ACAN: variants seen among roughly 807,000 people sequenced by gnomAD.
ACAN encodes aggrecan, also known as aggrecan core protein.
A neutral mutation model predicts 169.1 loss-of-function variants in ACAN; 47 were observed. The ratio of observed to expected loss-of-function variants is 0.28; its 90% confidence interval spans 0.22 to 0.35. The LOEUF (loss-of-function observed/expected upper bound fraction) is 0.35, where lower values mean the gene tolerates loss of function less well. Among genes scored for constraint, ACAN ranks in the 10% least tolerant of loss-of-function variants. The pLI is 1.00. For missense variants in ACAN, 2,716 were observed against 2,759.9 expected (o/e 0.98, Z 0.36); for synonymous variants, 1,115 against 1,112.2 (o/e 1.00, Z -0.05).
chr15:88,805,911 C>G (rs1255772992), intron 1 of ACAN, among the ~76,000 whole-genome samples: 1 of 152,208 alleles, frequency 6.6e-6, no homozygotes, highest in Non-Finnish European at 1.5e-5. Context: ...CCACTCACCC[C>G]TGCATGCCAA....
At position 88,858,653 on chromosome 15, in the gene ACAN, GCA is replaced by G; in HGVS notation, c.6070_6071del (p.Thr2024GlnfsTer16). On this transcript the variant is annotated frameshift_variant, in exon 12 of 19. Transcript: ENST00000560601. LOFTEE classifies it high-confidence loss of function. This position sits in a 1 kb window ranked among gnomAD's most constrained non-coding sequence, Gnocchi z 4.0. ...AGTGGAGAATCCTCTGTAGCCATGG[GCA>G]CCAGTGGAGAGGCCTCAGGACTTCC... The G allele has an allele frequency of 6.2e-7, 1 of 1,613,968 alleles. No individual in the cohort carries two copies. The highest frequency in any genetic ancestry group is 8.5e-7 in the Non-Finnish European group (1 of 1,179,898).
intron 1 of ACAN, among the ~76,000 whole-genome samples, chr15:88,830,187 G>T (rs1162017394): frequency 2.0e-5 from 3 of 152,162 alleles, no homozygotes; most frequent in Admixed American, 6.5e-5. Flanking sequence ...AACTGGCCTT[G>T]GTTTTAGGGC....
chr15:88,874,666 C>T lies in ACAN; in HGVS notation c.*185C>T. ...TCACCCCTCCAAATCAGCAAAACCGCATCTAATTTGTCCGCCGAATGCCAA... is the reference window on the plus strand; with the variant it reads ...TCACCCCTCCAAATCAGCAAAACCGTATCTAATTTGTCCGCCGAATGCCAA... On this transcript the variant is annotated 3_prime_UTR_variant, in exon 19 of 19. Coordinates refer to ENST00000560601, the MANE Select transcript of ACAN (RefSeq NM_001369268.1). This position sits in a 1 kb window ranked among gnomAD's most constrained non-coding sequence, Gnocchi z 7.3. 1.4e-6 allele frequency: 1 copy of T among 694,008 alleles called. No homozygotes were observed. The highest frequency in any genetic ancestry group is 1.5e-5 in the South Asian group (1 of 66,676). 43.0% of individuals were successfully genotyped at this position (694,008 alleles called of 1,614,324 possible). A position where few individuals can be genotyped will look rare whatever the true frequency, so the allele number is the denominator to read the frequency against.
intron 10 of ACAN, chr15:88,850,120 C>T (rs573994772): frequency 6.7e-5 from 35 of 521,396 alleles, no homozygotes; most frequent in Non-Finnish European, 1.1e-4. Context: ...GCCTGGGACA[C>T]AGTAAATGCT....
chr15:88,839,886 C>A lies in ACAN; in HGVS notation c.455-126C>A. ...GTGCAAAGGTGTACAGGGAGTCATG[C>A]ATCAGCCCAGACCAGCCAGTTCCCT... On this transcript the variant is annotated intron_variant, in intron 3 of 18. Coordinates refer to ENST00000560601, the MANE Select transcript of ACAN (RefSeq NM_001369268.1). The surrounding 1 kb of genome is among the most constrained non-coding windows in gnomAD (Gnocchi z 4.5). The A allele has an allele frequency of 9.0e-7, 1 of 1,114,140 alleles. No homozygotes were observed. Among genetic ancestry groups the A allele is most frequent in the South Asian group, 1.5e-5 (1 of 64,728 alleles). The allele number at this position is 1,114,140 out of a possible 1,614,324, so 69.0% of individuals were successfully genotyped here.
Position 88,839,061 on chromosome 15 carries a change from C to A in ACAN, c.454+15C>A, listed in dbSNP as rs778730974. 1 of 1,598,794 alleles carries A rather than the reference C, an allele frequency of 6.3e-7. No individual in the cohort carries two copies. Among genetic ancestry groups the A allele is most frequent in the Non-Finnish European group, 8.5e-7 (1 of 1,179,000 alleles). Reference sequence around the variant, plus strand: ...CGTGGTGAAAGGTGAGAGCCTCCCACAGGGACAGACGCTGCTTCACCCACA... The same window carrying A: ...CGTGGTGAAAGGTGAGAGCCTCCCAAAGGGACAGACGCTGCTTCACCCACA... On this transcript the variant is annotated intron_variant, in intron 3 of 18. Coordinates refer to ENST00000560601, the MANE Select transcript of ACAN (RefSeq NM_001369268.1). The surrounding 1 kb of genome is among the most constrained non-coding windows in gnomAD (Gnocchi z 4.5).
chr15:88,830,364 T>G (rs1896329095), intron 1 of ACAN, among the ~76,000 whole-genome samples: 1 of 152,208 alleles, frequency 6.6e-6, no homozygotes, highest in African/African-American at 2.4e-5. Context: ...AATGCATTCT[T>G]AGGCAATTTT....
In ACAN at chr15:88,814,729, T is replaced by C. The variant is rs1895898217; in HGVS notation, c.-8+10920T>C. On this transcript the variant is annotated intron_variant, in intron 1 of 18. Transcript: ENST00000560601. This position sits in a 1 kb window ranked among gnomAD's most constrained non-coding sequence, Gnocchi z 4.0. ...CCCTTCTCTGGGACTGCGCTGCAGA[T>C]GTTGTACTACAAAGGCTGGATCAAC... is the stretch of plus-strand genomic sequence containing the variant. Among the ~76,000 whole-genome samples the C allele has an allele frequency of 6.6e-6, 1 of 152,214 alleles. No individual in the cohort carries two copies.
chr15:88,869,974 C>T lies in ACAN; in HGVS notation c.7061-1408C>T, dbSNP rs1370776111. On this transcript the variant is annotated intron_variant, in intron 14 of 18. Transcript: ENST00000560601. This position sits in a 1 kb window ranked among gnomAD's most constrained non-coding sequence, Gnocchi z 4.2. Reference sequence around the variant, plus strand: ...CTCAGCCCTTAGCCACTGAAGGGGCCAAAAACTGACCCCCTAAGTCAGCCC... The same window carrying T: ...CTCAGCCCTTAGCCACTGAAGGGGCTAAAAACTGACCCCCTAAGTCAGCCC... Among the ~76,000 whole-genome samples the T allele has an allele frequency of 6.6e-6, 1 of 152,112 alleles. No homozygotes were observed.
chr15:88,804,000 T>G (rs1048076286), intron 1 of ACAN, among the ~76,000 whole-genome samples, 191 bp downstream of exon 1: 7 of 152,190 alleles, frequency 4.6e-5, no homozygotes, highest in Admixed American at 3.3e-4. Context: ...TTTTGGCTGT[T>G]GCAGACTCAG....
At chr15:88,863,031 G>A (rs1194406426) in intron 13 of ACAN, among the ~76,000 whole-genome samples, 1 of 150,926 alleles carries the variant, frequency 6.6e-6, no homozygotes, top group African/African-American at 2.4e-5. Context: ...ACAAGACCAT[G>A]GATCAGTATC....
intron 1 of ACAN, among the ~76,000 whole-genome samples, chr15:88,831,189 A>G (rs1250275692): frequency 6.6e-6 from 1 of 152,224 alleles, no homozygotes; most frequent in African/African-American, 2.4e-5. Flanking sequence ...GCTGGTGCCA[A>G]TTGGCTGTAG....
rs1897439139 is a variant in ACAN at position 88,873,805 on chromosome 15, C to A, written c.7448-37C>A. 6.2e-7 allele frequency: 1 copy of A among 1,603,818 alleles called. No homozygotes were observed. The highest frequency in any genetic ancestry group is 1.1e-5 in the South Asian group (1 of 89,820). ...ACCAGCATAGGTCATCCCAGGAGAC[C>A]CTATGAGACCCTTTATAAAGGGTGT... is the stretch of plus-strand genomic sequence containing the variant. On this transcript the variant is annotated intron_variant, in intron 17 of 18. Transcript: ENST00000560601. This position sits in a 1 kb window ranked among gnomAD's most constrained non-coding sequence, Gnocchi z 7.5.
chr15:88,872,237 C>T lies in ACAN; in HGVS notation c.7302+152C>T, dbSNP rs1038811146. Among the ~76,000 whole-genome samples, 2 of 152,212 alleles carry T rather than the reference C, an allele frequency of 1.3e-5. No individual in the cohort carries two copies. Among genetic ancestry groups the T allele is most frequent in the African/African-American group, 4.8e-5 (2 of 41,458 alleles). On this transcript the variant is annotated intron_variant, in intron 16 of 18. Transcript: ENST00000560601. This position sits in a 1 kb window ranked among gnomAD's most constrained non-coding sequence, Gnocchi z 5.4. The stretch of plus-strand genomic sequence containing the variant: ...AGGGCAGGGATTATCTCCTTCATCT[C>T]TGCCTCTGGAACCCAGCCCGGGGCT...
Position 88,839,128 on chromosome 15 carries a change from C to A in ACAN, c.454+82C>A. On this transcript the variant is annotated intron_variant, in intron 3 of 18. Coordinates refer to ENST00000560601, the MANE Select transcript of ACAN (RefSeq NM_001369268.1). The surrounding 1 kb of genome is among the most constrained non-coding windows in gnomAD (Gnocchi z 4.5). ...TCTCCGCAGTGCAGGCGCAGGCAGG[C>A]TGGCCTTCAAACCAGCTCCTCCACG... The A allele has an allele frequency of 6.5e-7, 1 of 1,539,658 alleles. No homozygotes were observed. The highest frequency in any genetic ancestry group is 8.7e-7 in the Non-Finnish European group (1 of 1,147,938).
In ACAN at chr15:88,849,529, G is replaced by A. The variant is rs544057872; in HGVS notation, c.1824G>A (p.Thr608=). Residue 608 remains threonine (T), a synonymous_variant, in exon 10 of 19, where the codon ACG becomes ACA. Coordinates refer to ENST00000560601, the MANE Select transcript of ACAN (RefSeq NM_001369268.1). This position sits in a 1 kb window ranked among gnomAD's most constrained non-coding sequence, Gnocchi z 5.1. ...CESHNATLAT[T]GQLYAAWSRG... ...CTCACAATGCTACGCTGGCCACCAC[G>A]GGCCAGCTCTACGCCGCCTGGAGCC... is the stretch of plus-strand genomic sequence containing the variant. 6.2e-6 allele frequency: 10 copies of A among 1,606,506 alleles called. No individual in the cohort carries two copies. Among genetic ancestry groups the A allele is most frequent in the East Asian group, 2.2e-5 (1 of 44,540 alleles).
In ACAN at chr15:88,838,706, G is replaced by T. The variant is rs367956651; in HGVS notation, c.114G>T (p.Pro38=). 1 of 1,606,714 alleles carries T rather than the reference G, an allele frequency of 6.2e-7. No homozygotes were observed. Among genetic ancestry groups the T allele is most frequent in the East Asian group, 2.2e-5 (1 of 44,792 alleles). ...SLSVSIPQPS[P]LRVLLGTSLT... ...GTGTCAGCATCCCCCAACCGTCCCCGCTGAGGGTCCTCCTGGGGACCTCCC... is the reference window on the plus strand; with the variant it reads ...GTGTCAGCATCCCCCAACCGTCCCCTCTGAGGGTCCTCCTGGGGACCTCCC... Residue 38 remains proline, a synonymous_variant, in exon 3 of 19, where the codon CCG becomes CCT. Transcript: ENST00000560601. This position sits in a 1 kb window ranked among gnomAD's most constrained non-coding sequence, Gnocchi z 5.1.
chr15:88,847,169 CT>C, intron 7 of ACAN, 73 bp from the exon 8 acceptor site: 1 of 1,420,326 alleles, frequency 7.0e-7, no homozygotes, highest in Non-Finnish European at 9.4e-7. Context: ...GTTGGCCCCC[CT>C]CTGTGCCCAT....
Position 88,847,274 on chromosome 15 carries a change from C to A in ACAN, c.1461C>A (p.Thr487=). The part of the protein sequence containing the change: ...GVVFHYRPGP[T]RYSLTFEEAQ... ...TCTTCCACTACCGCCCGGGACCCAC[C>A]CGCTACTCGCTGACCTTTGAGGAGG... Residue 487 remains threonine (T), a synonymous_variant, in exon 8 of 19, where the codon ACC becomes ACA. Transcript: ENST00000560601. 6.4e-7 allele frequency: 1 copy of A among 1,565,098 alleles called. No individual in the cohort carries two copies.
Sources: gnomAD v4.1 joint callset for allele counts (sites outside exome capture counted in the v4.1 genomes callset) on GRCh38, gnomAD v4.1.1 for gene constraint, Gnocchi (gnomAD v3.1) non-coding constraint, MANE v1.5 for transcripts, NCBI Gene and HGNC (gene_info 2026-07-23, HGNC 2026-07-21) for gene names.